Variants in CLASP2 observed in about 807,000 individuals in gnomAD.
The protein encoded by CLASP2 is CLIP-associating protein 2.
A neutral mutation model predicts 194.4 loss-of-function variants in CLASP2; 47 were observed. That is an observed-to-expected ratio of 0.24 (90% confidence interval 0.19 to 0.31). CLASP2 has a LOEUF of 0.31. CLASP2 is among the 10% of genes least tolerant of loss of function. The pLI is 1.00. For missense variants in CLASP2, 1,445 were observed against 1,823.6 expected (o/e 0.79, Z 3.78); for synonymous variants, 619 against 633.5 (o/e 0.98, Z 0.34).
chr3:33,702,336 G>A (rs1004644975), intron 1 of CLASP2, among the ~76,000 whole-genome samples: 1 of 152,146 alleles, frequency 6.6e-6, no homozygotes, highest in African/African-American at 2.4e-5. Flanking sequence ...CCATACATTT[G>A]TATGGGCAAC....
At chr3:33,544,953 G>C in intron 30 of CLASP2, 112 bp from the exon 31 acceptor site, 1 of 660,492 alleles carries the variant, frequency 1.5e-6, no homozygotes, top group Non-Finnish European at 2.2e-6. Context: ...CTTTCCCAGG[G>C]AAAAGGAAGA....
Position 33,535,359 on chromosome 3 carries a change from G to T in CLASP2, c.3661C>A (p.Pro1221Thr), listed in dbSNP as rs773597901. 6.2e-7 allele frequency: 1 copy of T among 1,613,824 alleles called. No individual in the cohort carries two copies. Among genetic ancestry groups the T allele is most frequent in the Admixed American group, 1.7e-5 (1 of 60,014 alleles). ...DNKASLLHSMPTHSSPRSRDY... is the reference protein window; with the variant it reads ...DNKASLLHSMTTHSSPRSRDY... ...CGAGAGCGTGGAGAGGAGTGAGTAG[G>T]CATTGAATGGAGCAATGAAGCTTTA... The change falls in exon 34 of 39, where the codon CCT (proline) becomes ACT (threonine). Residue 1221 changes from proline (P) to threonine (T), a missense_variant. Physicochemically the swap from Pro to Thr is conservative, Grantham distance 38. Transcript: ENST00000682230.
At chr3:33,681,124 CA>C (rs10710771) in intron 6 of CLASP2, among the ~76,000 whole-genome samples, 23,649 of 95,988 alleles carry the variant, frequency 0.25, 1,819 homozygotes, top group Admixed American at 0.39. Flanking sequence ...GACTCCATCT[CA>C]AAAAAAAAAA....
intron 16 of CLASP2, among the ~76,000 whole-genome samples, chr3:33,605,041 C>T (rs2154258307): frequency 6.6e-6 from 1 of 152,316 alleles, no homozygotes; most frequent in East Asian, 1.9e-4. Context: ...AGGCGGATCA[C>T]TTTAAGGTTC....
chr3:33,528,579 T>C (rs2055259403), intron 34 of CLASP2, among the ~76,000 whole-genome samples: 1 of 152,064 alleles, frequency 6.6e-6, no homozygotes, highest in South Asian at 2.1e-4. Flanking sequence ...CTGGCCAACA[T>C]GGTGAAACCC....
At chr3:33,688,432 T>C in intron 3 of CLASP2, 64 bp from the exon 4 acceptor site, 6 of 1,219,912 alleles carry the variant, frequency 4.9e-6, no homozygotes, top group Non-Finnish European at 7.0e-6. Flanking sequence ...TAATCTTTTA[T>C]TTCTTCCCAA....
chr3:33,545,021 A>C, intron 30 of CLASP2, 180 bp from the exon 31 acceptor site: 1 of 438,546 alleles, frequency 2.3e-6, no homozygotes, highest in Non-Finnish European at 3.9e-6. Context: ...ATATTGACCT[A>C]CCTTTTTTTT....
chr3:33,717,689 T>G, intron 1 of CLASP2, 119 bp downstream of exon 1: 1 of 1,079,684 alleles, frequency 9.3e-7, no homozygotes. Flanking sequence ...CTTCCCAAAG[T>G]GTGTTTCCCC....
intron 34 of CLASP2, among the ~76,000 whole-genome samples, chr3:33,528,948 T>G (rs965487115): frequency 2.6e-5 from 4 of 152,188 alleles, no homozygotes; most frequent in Non-Finnish European, 4.4e-5. Flanking sequence ...CAAAAGCTCC[T>G]CAAGCTGATA....
Position 33,607,372 on chromosome 3 carries a change from AC to A in CLASP2, c.1526+11del. ...GATTAAACTGTCACAAAACTATACT[AC>A]ACTGACTTACTTTCTTGCCTCCACT... On this transcript the variant is annotated intron_variant, in intron 15 of 38. Coordinates refer to ENST00000682230, the MANE Select transcript of CLASP2 (RefSeq NM_001365631.1). 3 of 1,585,540 alleles carry A rather than the reference AC, an allele frequency of 1.9e-6. No homozygotes were observed. The highest frequency in any genetic ancestry group is 2.6e-6 in the Non-Finnish European group (3 of 1,162,482).
At chr3:33,597,799 C>T (rs1397493933) in intron 18 of CLASP2, among the ~76,000 whole-genome samples, 3 of 150,388 alleles carry the variant, frequency 2.0e-5, no homozygotes, top group African/African-American at 7.4e-5. Flanking sequence ...GTCACCCAGG[C>T]TGGAGTGCAA....
At chr3:33,673,371 A>C (rs1301183896) in intron 6 of CLASP2, among the ~76,000 whole-genome samples, 5 of 152,016 alleles carry the variant, frequency 3.3e-5, no homozygotes, top group East Asian at 3.9e-4. Context: ...GAAATAAAAT[A>C]CTTTACAGAC....
At position 33,613,466 on chromosome 3, in the gene CLASP2, CTACT is replaced by C. The variant is rs138664369; in HGVS notation, c.1318-1399_1318-1396del. Among the ~76,000 whole-genome samples, 458 of 152,314 alleles carry C rather than the reference CTACT, an allele frequency of 3.0e-3. 2 individuals are homozygous for C. Among genetic ancestry groups the C allele is most frequent in the African/African-American group, 0.01 (433 of 41,572 alleles). ...TAAGACACTGGCAACAGAAGGCTGT[CTACT>C]AACAGTTCTCCTAGCATTGGGGAAA... On this transcript the variant is annotated intron_variant, in intron 12 of 38. Transcript: ENST00000682230.
At chr3:33,684,118 G>A (rs564263767) in intron 6 of CLASP2, among the ~76,000 whole-genome samples, 2 of 151,388 alleles carry the variant, frequency 1.3e-5, no homozygotes, top group Admixed American at 6.6e-5. Flanking sequence ...GGTGGCAAGC[G>A]CCTCTAATCC....
chr3:33,673,397 G>C (rs1313990055), intron 6 of CLASP2, among the ~76,000 whole-genome samples: 1 of 152,182 alleles, frequency 6.6e-6, no homozygotes, highest in African/African-American at 2.4e-5. Context: ...AATGCTGAGA[G>C]ATTTTGTCAC....
chr3:33,581,709 T>A, intron 23 of CLASP2, 112 bp downstream of exon 23: 1 of 668,910 alleles, frequency 1.5e-6, no homozygotes. Context: ...AGAAAAGGGG[T>A]AGAGAGAAAG....
chr3:33,682,677 TC>T (rs1241199054), intron 6 of CLASP2, among the ~76,000 whole-genome samples: 1 of 152,238 alleles, frequency 6.6e-6, no homozygotes, highest in Non-Finnish European at 1.5e-5. Context: ...TAGAAGATTA[TC>T]AGCAGGATCT....
At chr3:33,560,574 T>C (rs1416560435) in intron 28 of CLASP2, among the ~76,000 whole-genome samples, 1 of 152,094 alleles carries the variant, frequency 6.6e-6, no homozygotes, top group Non-Finnish European at 1.5e-5. Flanking sequence ...AAATACCACC[T>C]TGAACTACTC....
chr3:33,699,363 C>A (rs2092205727), intron 1 of CLASP2, among the ~76,000 whole-genome samples: 1 of 152,040 alleles, frequency 6.6e-6, no homozygotes. Context: ...AACCATACAT[C>A]TAAGTCTCAG....
Sources: allele counts gnomAD v4.1 joint callset (sites outside exome capture counted in the v4.1 genomes callset), GRCh38; gene constraint gnomAD v4.1.1; transcripts MANE v1.5; gene names NCBI Gene and HGNC (gene_info 2026-07-23, HGNC 2026-07-21).